The following P2RY10 variants were observed in gnomAD, a reference collection of about 807,000 sequenced individuals.
The protein encoded by P2RY10 is putative P2Y purinoceptor 10.
In P2RY10, 4 loss-of-function variants were observed where a neutral mutation model predicts 12.1. The observed-to-expected ratio is 0.33, with a 90% CI of 0.16 to 0.76. P2RY10 has a LOEUF of 0.76. P2RY10 is among the 30% of genes least tolerant of loss of function. The pLI is 0.61. For missense variants in P2RY10, 233 were observed against 264.6 expected, an observed-to-expected ratio of 0.88 and a Z score of 0.83; for synonymous variants, 112 against 94.1, an observed-to-expected ratio of 1.19 and a Z score of -1.10.
chrX:78,954,715 C>T (rs1922256730), intron 3 of P2RY10, among the ~76,000 whole-genome samples: 1 of 112,300 alleles, frequency 8.9e-6, no homozygotes, highest in Admixed American at 9.5e-5. Context: ...ATTTCCCATT[C>T]CACTCCATCA....
At position 78,961,459 on chromosome X, in the gene P2RY10, T is replaced by A. The variant is rs1310644430; in HGVS notation, c.939T>A (p.Arg313=). 1 of 1,209,092 alleles carries A rather than the reference T, an allele frequency of 8.3e-7. No individual in the cohort carries two copies. Among genetic ancestry groups the A allele is most frequent in the Non-Finnish European group, 1.1e-6 (1 of 894,692 alleles). Residue 313 remains arginine, a synonymous_variant, in exon 4 of 4, where the codon CGT becomes CGA. Transcript: ENST00000171757. ...ILYYFMASEF[R]DQLSRHGSSV... ...ATTACTTTATGGCTTCAGAGTTTCG[T>A]GACCAACTATCCCGCCATGGCAGTT...
intron 1 of P2RY10, among the ~76,000 whole-genome samples, chrX:78,946,966 C>A (rs967155823): frequency 7.2e-5 from 8 of 111,786 alleles, no homozygotes. Context: ...GTAATTCCAG[C>A]ATTTTGGGAG....
In P2RY10 at chrX:78,957,357, G is replaced by GACACACACACACACACAC. The variant is rs765759888; in HGVS notation, c.-13-3137_-13-3120dup. Among the ~76,000 whole-genome samples, 544 of 57,845 alleles carry GACACACACACACACACAC rather than the reference G, an allele frequency of 9.4e-3. 8 individuals are homozygous for GACACACACACACACACAC. Among genetic ancestry groups the GACACACACACACACACAC allele is most frequent in the Non-Finnish European group, 0.014 (409 of 29,653 alleles). The allele number at this position is 57,845 out of a possible 115,157, so 50.2% of individuals were successfully genotyped here. ...AGACTCATAGATAGAGGAAGAGAAA[G>GACACACACACACACACAC]ACACACACACACACACACACACACA... On this transcript the variant is annotated intron_variant, in intron 3 of 3. Coordinates refer to ENST00000171757, the MANE Select transcript of P2RY10 (RefSeq NM_014499.4).
At chrX:78,960,061 A>G (rs1922531550) in intron 3 of P2RY10, among the ~76,000 whole-genome samples, 1 of 111,759 alleles carries the variant, frequency 8.9e-6, no homozygotes. Context: ...CCAAAGAGCA[A>G]AATGGCAGAC....
intron 2 of P2RY10, among the ~76,000 whole-genome samples, chrX:78,949,774 A>G (rs1018598728): frequency 1.8e-5 from 2 of 112,108 alleles, no homozygotes; most frequent in African/African-American, 6.5e-5. Context: ...TCTCATGTCA[A>G]CCAGGCTTAT....
rs955096489 is a variant in P2RY10 at position 78,963,290 on chromosome X, G to C, written c.*1750G>C. Among the ~76,000 whole-genome samples, 2 of 112,477 alleles carry C rather than the reference G, an allele frequency of 1.8e-5. No homozygotes were observed. The highest frequency in any genetic ancestry group is 6.5e-5 in the African/African-American group (2 of 30,991). Reference sequence around the variant, plus strand: ...TTAAAAAGATCTCTCACTGGGAAAAGAAAAAGTTATGCATTTATAAAGTAA... The same window carrying C: ...TTAAAAAGATCTCTCACTGGGAAAACAAAAAGTTATGCATTTATAAAGTAA... On this transcript the variant is annotated 3_prime_UTR_variant, in exon 4 of 4. Transcript: ENST00000171757.
chrX:78,958,470 C>T lies in P2RY10; in HGVS notation c.-13-2038C>T, dbSNP rs148706925. 2.3e-3 allele frequency among the ~76,000 whole-genome samples: 263 copies of T among 112,152 alleles called. 2 individuals carry two copies. The highest frequency in any genetic ancestry group is 7.5e-3 in the African/African-American group (232 of 30,893). On this transcript the variant is annotated intron_variant, in intron 3 of 3. Transcript: ENST00000171757. ...AAAGTGGCATAGTGGAAATACCACA[C>T]GCTTCAGAGCAAGCCAGGAATGATA... is the stretch of plus-strand genomic sequence containing the variant.
chrX:78,953,877 A>T (rs1418640329), intron 3 of P2RY10, among the ~76,000 whole-genome samples: 1 of 110,937 alleles, frequency 9.0e-6, no homozygotes, highest in Admixed American at 9.6e-5. Flanking sequence ...AGTATTATTT[A>T]TTTTTGAGAT....
rs899690241 is a variant in P2RY10 at position 78,962,168 on chromosome X, A to G, written c.*628A>G. On this transcript the variant is annotated 3_prime_UTR_variant, in exon 4 of 4. Transcript: ENST00000171757. ...TTTTTTTCATAAGTTATTGGGGTAC[A>G]GGTGGTATTTGGTTACATGAGTAAG... Among the ~76,000 whole-genome samples the G allele has an allele frequency of 9.0e-5, 10 of 110,834 alleles. No individual in the cohort carries two copies. The highest frequency in any genetic ancestry group is 8.6e-4 in the Admixed American group (9 of 10,427).
chrX:78,955,846 T>A (rs1020620971), intron 3 of P2RY10, among the ~76,000 whole-genome samples: 1 of 112,171 alleles, frequency 8.9e-6, no homozygotes, highest in Non-Finnish European at 1.9e-5. Flanking sequence ...ATATTCTCCA[T>A]AGAACCTAGC....
At chrX:78,956,592 A>C (rs772831962) in intron 3 of P2RY10, among the ~76,000 whole-genome samples, 2 of 110,817 alleles carry the variant, frequency 1.8e-5, no homozygotes, top group East Asian at 5.7e-4. Flanking sequence ...TAAAAAAAAA[A>C]ACCCTAAATT....
intron 3 of P2RY10, among the ~76,000 whole-genome samples, chrX:78,955,106 T>A (rs1235489393): frequency 8.9e-6 from 1 of 112,023 alleles, no homozygotes; most frequent in East Asian, 2.8e-4. Flanking sequence ...AAATCCTATA[T>A]GTTATCTTTA....
chrX:78,958,336 G>C (rs910357554), intron 3 of P2RY10, among the ~76,000 whole-genome samples: 1 of 112,187 alleles, frequency 8.9e-6, no homozygotes, highest in African/African-American at 3.2e-5. Flanking sequence ...CCAAAAACCA[G>C]GTATTCTCAC....
At position 78,955,821 on chromosome X, in the gene P2RY10, G is replaced by A. The variant is rs184341663; in HGVS notation, c.-14+3486G>A. ...AGGAAGTTTCTCAGGGACACAGATC[G>A]TTGTGGATGATTCTATATTCTCCAT... On this transcript the variant is annotated intron_variant, in intron 3 of 3. Transcript: ENST00000171757. 1.9e-3 allele frequency among the ~76,000 whole-genome samples: 218 copies of A among 111,850 alleles called. 3 individuals are homozygous for A. The highest frequency in any genetic ancestry group is 2.1e-3 in the Non-Finnish European group (112 of 53,093).
At chrX:78,953,315 GA>G (rs1207205168) in intron 3 of P2RY10, among the ~76,000 whole-genome samples, 1 of 111,997 alleles carries the variant, frequency 8.9e-6, no homozygotes, top group African/African-American at 3.2e-5. Context: ...AAGGTTTCTG[GA>G]AATGTATGGT....
Position 78,961,718 on chromosome X carries a change from G to GA in P2RY10, c.*179dup. 5.8e-6 allele frequency: 2 copies of GA among 347,711 alleles called. No homozygotes were observed. The highest frequency in any genetic ancestry group is 5.1e-6 in the Non-Finnish European group (1 of 196,560). The allele number at this position is 347,711 out of a possible 1,213,427, so 28.7% of individuals were successfully genotyped here. On this transcript the variant is annotated 3_prime_UTR_variant, in exon 4 of 4. Transcript: ENST00000171757. ...GGTGAAGGCAGAGTGTGAAAAACGT[G>GA]AGAGAGGAAGAGAAAATAGATTTAC...
chrX:78,961,675 AG>A lies in P2RY10; in HGVS notation c.*136del. On this transcript the variant is annotated 3_prime_UTR_variant, in exon 4 of 4. Transcript: ENST00000171757. ...ATAAGTACTTTTGTGTAATATTCAC[AG>A]TCAACAGGGGTGTGATGGTGAAGGC... The A allele has an allele frequency of 2.1e-6, 1 of 478,753 alleles. No individual in the cohort carries two copies. The highest frequency in any genetic ancestry group is 3.5e-6 in the Non-Finnish European group (1 of 282,188). The allele number at this position is 478,753 out of a possible 1,213,427, so 39.5% of individuals were successfully genotyped here. A position where few individuals can be genotyped will look rare whatever the true frequency, so the allele number is the denominator to read the frequency against.
At chrX:78,948,701 G>A (rs748505837) in intron 2 of P2RY10, among the ~76,000 whole-genome samples, 1 of 111,563 alleles carries the variant, frequency 9.0e-6, no homozygotes, top group East Asian at 2.8e-4. Context: ...TCACTTATAA[G>A]TGAGAACATC....
intron 3 of P2RY10, among the ~76,000 whole-genome samples, chrX:78,954,172 C>T (rs780058439): frequency 8.9e-6 from 1 of 112,031 alleles, no homozygotes; most frequent in Non-Finnish European, 1.9e-5. Flanking sequence ...CACACCTGGC[C>T]AGCAGCCTGA....
Sources: allele counts gnomAD v4.1 joint callset (sites outside exome capture counted in the v4.1 genomes callset), GRCh38; gene constraint gnomAD v4.1.1; transcripts MANE v1.5; gene names NCBI Gene and HGNC (gene_info 2026-07-23, HGNC 2026-07-21).